Variants in ATF2 observed in about 807,000 individuals in gnomAD.
ATF2 encodes the protein cyclic AMP-dependent transcription factor ATF-2.
Under a neutral mutation model 60.6 loss-of-function variants are expected in ATF2, and 24 were observed. That is an observed-to-expected ratio of 0.40 (90% CI 0.29 to 0.56). The LOEUF is 0.56. Ranked by LOEUF, ATF2 falls within the 20% of genes least tolerant of loss-of-function variation. The probability of loss-of-function intolerance (pLI) is 0.54; values close to 1 mark genes in which losing one functional copy is unlikely to be tolerated. For synonymous variants in ATF2, 206 were observed against 215.4 expected, an observed-to-expected ratio of 0.96 and a Z score of 0.38; for missense variants, 433 against 607.7, an observed-to-expected ratio of 0.71 and a Z score of 3.02.
chr2:175,121,689 T>G (rs1271276566), intron 4 of ATF2, 149 bp from the exon 5 acceptor site: 4 of 548,306 alleles, frequency 7.3e-6, no homozygotes, highest in Non-Finnish European at 1.3e-5. Context: ...TTATTGTTAG[T>G]AGATAGCACA....
chr2:175,140,025 T>C (rs1447006797), intron 2 of ATF2, among the ~76,000 whole-genome samples: 1 of 152,124 alleles, frequency 6.6e-6, no homozygotes, highest in African/African-American at 2.4e-5. Context: ...AACTCCTTCT[T>C]TGAGAAAAAA....
chr2:175,095,952 C>G (rs1440307153), intron 11 of ATF2, among the ~76,000 whole-genome samples: 1 of 152,136 alleles, frequency 6.6e-6, no homozygotes, highest in Admixed American at 6.5e-5. Context: ...CACATATACA[C>G]AATCACTCAG....
At chr2:175,155,485 G>A (rs1225022571) in intron 1 of ATF2, among the ~76,000 whole-genome samples, 5 of 152,150 alleles carry the variant, frequency 3.3e-5, no homozygotes, top group Non-Finnish European at 5.9e-5. Context: ...ATAGTGTGAT[G>A]ACAGAAAGAA....
At chr2:175,095,302 T>C (rs1338844388) in intron 11 of ATF2, among the ~76,000 whole-genome samples, 1 of 151,964 alleles carries the variant, frequency 6.6e-6, no homozygotes, top group Non-Finnish European at 1.5e-5. Context: ...TTTCACCAGG[T>C]TGTGGTCTCG....
Position 175,097,446 on chromosome 2 carries a change from G to A in ATF2, c.976C>T (p.Pro326Ser), listed in dbSNP as rs768206343. The change falls in exon 11 of 14, where the codon CCG (proline) becomes TCG (serine). Residue 326 changes from proline (P) to serine (S), a missense_variant and splice_region_variant. Physicochemically the swap from Pro to Ser is moderately conservative, Grantham distance 74 (BLOSUM62 -1). Around this residue, in one of 5 missense-constraint regions of ATF2, gnomAD observed 246 missense variants for 309.3 expected, o/e 0.80. Transcript: ENST00000264110. ...AATAATAAAAACAACACACATACCG[G>A]AGTTTCTGTAGTGGATGTGGCTGGC... ...QQPATSTTET[P>S]ASPAHTTPQT... is the part of the protein sequence containing the mutation. 2 of 1,613,688 alleles carry A rather than the reference G, an allele frequency of 1.2e-6. No homozygotes were observed. The highest frequency in any genetic ancestry group is 1.3e-5 in the African/African-American group (1 of 74,890).
intron 1 of ATF2, 87 bp from the exon 2 acceptor site, chr2:175,151,245 A>C (rs900172083): frequency 3.3e-5 from 5 of 152,162 alleles, no homozygotes; most frequent in African/African-American, 4.8e-5. Flanking sequence ...ATTCCATAGA[A>C]TTTTTAAAAA....
At chr2:175,120,976 A>G (rs1290136776) in intron 5 of ATF2, among the ~76,000 whole-genome samples, 4 of 151,796 alleles carry the variant, frequency 2.6e-5, no homozygotes, top group Admixed American at 2.6e-4. Flanking sequence ...CTTACTGAGA[A>G]TATTTTACTA....
intron 12 of ATF2, chr2:175,092,624 TA>T: frequency 2.2e-6 from 1 of 445,446 alleles, no homozygotes; most frequent in South Asian, 1.7e-5. Flanking sequence ...TCACTTTAAA[TA>T]AAACAAAACA....
intron 10 of ATF2, among the ~76,000 whole-genome samples, chr2:175,101,065 A>G (rs1402583985): frequency 1.3e-5 from 2 of 152,226 alleles, no homozygotes; most frequent in South Asian, 2.1e-4. Context: ...GCTCAAGACC[A>G]TAAGAAAAAC....
chr2:175,141,531 C>T (rs900062054), intron 2 of ATF2, among the ~76,000 whole-genome samples: 1 of 151,990 alleles, frequency 6.6e-6, no homozygotes, highest in Non-Finnish European at 1.5e-5. Context: ...CTCGCTCTGT[C>T]GTCCAGGCTG....
chr2:175,142,186 C>CTTTT (rs377013083), intron 2 of ATF2, among the ~76,000 whole-genome samples: 6 of 133,030 alleles, frequency 4.5e-5, no homozygotes, highest in Admixed American at 3.0e-4. Flanking sequence ...GTTTTCTTTT[C>CTTTT]TTTTTTTTTT....
chr2:175,136,681 T>C (rs1440144174), intron 2 of ATF2, among the ~76,000 whole-genome samples, 195 bp from the exon 3 acceptor site: 1 of 152,092 alleles, frequency 6.6e-6, no homozygotes, highest in Non-Finnish European at 1.5e-5. Context: ...ACATAGGTAT[T>C]AACATATCTA....
At chr2:175,142,898 G>A (rs936430856) in intron 2 of ATF2, among the ~76,000 whole-genome samples, 1 of 152,118 alleles carries the variant, frequency 6.6e-6, no homozygotes, top group Non-Finnish European at 1.5e-5. Flanking sequence ...ACAGGCTGGA[G>A]TGCAGTGGCA....
intron 5 of ATF2, among the ~76,000 whole-genome samples, chr2:175,120,230 G>A (rs1425457869): frequency 2.0e-5 from 3 of 151,116 alleles, no homozygotes; most frequent in Admixed American, 6.6e-5. Flanking sequence ...GTGAACTTTC[G>A]AGGTTGTTAC....
chr2:175,103,778 T>G (rs1177901660), intron 10 of ATF2, among the ~76,000 whole-genome samples: 1 of 152,162 alleles, frequency 6.6e-6, no homozygotes, highest in Non-Finnish European at 1.5e-5. Flanking sequence ...GAAGAGCTGC[T>G]TTTTGATTAC....
At chr2:175,087,337 C>T (rs1406695577) in intron 12 of ATF2, among the ~76,000 whole-genome samples, 1 of 152,086 alleles carries the variant, frequency 6.6e-6, no homozygotes, top group Non-Finnish European at 1.5e-5. Flanking sequence ...GGAACAGATG[C>T]TAAAAGAAAT....
At chr2:175,138,166 T>C (rs1252514460) in intron 2 of ATF2, among the ~76,000 whole-genome samples, 2 of 151,968 alleles carry the variant, frequency 1.3e-5, no homozygotes, top group African/African-American at 4.8e-5. Context: ...ACCAGGAGAG[T>C]TCTAGGTAAA....
At chr2:175,133,199 T>C (rs1574447791) in intron 3 of ATF2, among the ~76,000 whole-genome samples, 1 of 152,192 alleles carries the variant, frequency 6.6e-6, no homozygotes, top group East Asian at 1.9e-4. Context: ...AAGGCAGTCA[T>C]GAAGAATTGT....
At chr2:175,142,059 A>C (rs910148297) in intron 2 of ATF2, among the ~76,000 whole-genome samples, 16 of 152,220 alleles carry the variant, frequency 1.1e-4, no homozygotes, top group African/African-American at 3.1e-4. Context: ...AAATATATTG[A>C]GGTAATAGGC....
Sources: gnomAD v4.1 joint callset for allele counts (sites outside exome capture counted in the v4.1 genomes callset) on GRCh38, gnomAD v4.1.1 for gene constraint, gnomAD v4.1.1 regional missense constraint, MANE v1.5 for transcripts, NCBI Gene and HGNC (gene_info 2026-07-23, HGNC 2026-07-21) for gene names.